The following NUP214 variants were observed in gnomAD, a reference collection of about 807,000 sequenced individuals.
The protein encoded by NUP214 is nucleoporin 214.
Under a neutral mutation model 196.2 loss-of-function variants are expected in NUP214, and 79 were observed. The ratio of observed to expected loss-of-function variants is 0.40; its 90% CI spans 0.34 to 0.49. The LOEUF is 0.49. Among genes scored for constraint, NUP214 ranks in the 20% least tolerant of loss-of-function variants. The pLI is 0.58. For missense variants in NUP214, 2,468 were observed against 2,539.0 expected (o/e 0.97, Z 0.60); for synonymous variants, 1,020 against 990.5 (o/e 1.03, Z -0.56).
Position 131,233,964 on chromosome 9 carries a change from C to G in NUP214, c.*477C>G. 1 of 307,366 alleles carries G rather than the reference C, an allele frequency of 3.3e-6. No individual in the cohort carries two copies. Among genetic ancestry groups the G allele is most frequent in the Non-Finnish European group, 6.2e-6 (1 of 161,542 alleles). The allele number at this position is 307,366 out of a possible 1,614,324, so 19.0% of individuals were successfully genotyped here. Reference sequence around the variant, plus strand: ...AACTTGGTTATCTCCTCTCCTTGTTCTTTTAGCCATTGTGTATCAGGACCA... The same window carrying G: ...AACTTGGTTATCTCCTCTCCTTGTTGTTTTAGCCATTGTGTATCAGGACCA... On this transcript the variant is annotated 3_prime_UTR_variant, in exon 36 of 36. Transcript: ENST00000359428.
Position 131,129,287 on chromosome 9 carries a change from G to A in NUP214, c.402G>A (p.Gln134=). 1.2e-6 allele frequency: 2 copies of A among 1,613,958 alleles called. No homozygotes were observed. The part of the protein sequence containing the change: ...DVRTFSNEAK[Q]QKRPFAYHKL... ...CATATTTGTTTTAAAAGGCTAAACA[G>A]CAAAAACGCCCATTTGCCTATCATA... is the stretch of plus-strand genomic sequence containing the variant. The change falls in exon 4 of 36, where the codon CAG becomes CAA. Residue 134 remains glutamine (Q), a synonymous_variant. Transcript: ENST00000359428.
At chr9:131,186,502 A>T (rs537515064) in intron 24 of NUP214, among the ~76,000 whole-genome samples, 2 of 152,312 alleles carry the variant, frequency 1.3e-5, no homozygotes, top group South Asian at 4.1e-4. Context: ...CTGAAAAATA[A>T]CCAGGTCCTA....
chr9:131,167,050 C>G (rs929754090), intron 21 of NUP214: 1 of 152,120 alleles, frequency 6.6e-6, no homozygotes, highest in Non-Finnish European at 1.5e-5. Flanking sequence ...ACAGTTGATA[C>G]TCAAATTTTG....
At chr9:131,229,937 A>T in intron 33 of NUP214, 1 of 359,828 alleles carries the variant, frequency 2.8e-6, no homozygotes, top group Non-Finnish European at 5.4e-6. Context: ...CGTTTCCCTC[A>T]CCTAGTCACC....
chr9:131,169,034 G>GTTTTTTTTTTTT (rs58054099), intron 21 of NUP214, among the ~76,000 whole-genome samples: 1 of 124,132 alleles, frequency 8.1e-6, no homozygotes, highest in Admixed American at 9.2e-5. Context: ...GTTTTTTTTT[G>GTTTTTTTTTTTT]TTTTTTTTTT....
intron 33 of NUP214, 168 bp from the exon 34 acceptor site, chr9:131,230,462 C>G (rs1834843218): frequency 2.8e-6 from 2 of 705,266 alleles, no homozygotes; most frequent in East Asian, 5.5e-5. Flanking sequence ...AAAAGTTGGC[C>G]CTGGGCGATA....
At position 131,198,101 on chromosome 9, in the gene NUP214, C is replaced by G. The variant is rs1833844028; in HGVS notation, c.4607C>G (p.Ser1536Cys). Residue 1536 changes from serine (S) to cysteine (C), a missense_variant, in exon 29 of 36, where the codon TCT becomes TGT. Around this residue, in one of 5 missense-constraint regions of NUP214, gnomAD observed 1,801 missense variants for 1,779.4 expected, o/e 1.01. Coordinates refer to ENST00000359428, the MANE Select transcript of NUP214 (RefSeq NM_005085.4). ...CAGGCTCCTCCGCAAACTTCTGACT[C>G]TGTTAAAAAAGAACCTGTTCTTGCC... is the stretch of plus-strand genomic sequence containing the variant. The part of the protein sequence containing the change: ...LPQAPPQTSD[S>C]VKKEPVLAQP... 6.2e-7 allele frequency: 1 copy of G among 1,614,088 alleles called. No homozygotes were observed. Among genetic ancestry groups the G allele is most frequent in the Non-Finnish European group, 8.5e-7 (1 of 1,180,050 alleles).
rs1358999727 is a variant in NUP214 at position 131,140,249 on chromosome 9, A to G, written c.1133-300A>G. Among the ~76,000 whole-genome samples, 3 of 152,178 alleles carry G rather than the reference A, an allele frequency of 2.0e-5. No individual in the cohort carries two copies. The East Asian group carries it at 5.8e-4, about 29-fold the overall frequency. ...GCCAAGCCTACCTCCACTGAGGTAC[A>G]CAAGCCACTGAGACACTCATAAAAA... On this transcript the variant is annotated intron_variant, in intron 10 of 35. Transcript: ENST00000359428.
intron 29 of NUP214, 135 bp from the exon 30 acceptor site, chr9:131,201,512 C>A (rs1184983525): frequency 1.3e-5 from 8 of 638,874 alleles, no homozygotes; most frequent in Non-Finnish European, 1.9e-5. Context: ...TTGCAGTGAG[C>A]CAAGATCCCA....
Position 131,222,807 on chromosome 9 carries a change from G to C in NUP214, c.5779G>C (p.Ala1927Pro), listed in dbSNP as rs779037174. The C allele has an allele frequency of 1.2e-6, 2 of 1,614,010 alleles. No homozygotes were observed. Among genetic ancestry groups the C allele is most frequent in the African/African-American group, 2.7e-5 (2 of 74,912 alleles). ...CTCTAACCTATTTGGAAACAGTGGGGCCAAGACATTTGGTGGATTTGCCAG... is the reference window on the plus strand; with the variant it reads ...CTCTAACCTATTTGGAAACAGTGGGCCCAAGACATTTGGTGGATTTGCCAG... ...NTSNLFGNSG[A>P]KTFGGFASSS... Residue 1927 changes from alanine (A) to proline (P), a missense_variant, in exon 32 of 36, where the codon GCC becomes CCC. Ala to Pro is a conservative substitution (Grantham distance 27). Around this residue, in one of 5 missense-constraint regions of NUP214, gnomAD observed 262 missense variants for 296.5 expected, o/e 0.88. Transcript: ENST00000359428.
chr9:131,158,405 A>C (rs996412871), intron 17 of NUP214, among the ~76,000 whole-genome samples: 1 of 152,206 alleles, frequency 6.6e-6, no homozygotes, highest in Non-Finnish European at 1.5e-5. Flanking sequence ...ATTTTTGAGA[A>C]TCAAGTTGCA....
rs1178896896 is a variant in NUP214 at position 131,234,586 on chromosome 9, G to T, written c.*1099G>T. On this transcript the variant is annotated 3_prime_UTR_variant, in exon 36 of 36. Coordinates refer to ENST00000359428, the MANE Select transcript of NUP214 (RefSeq NM_005085.4). ...CATGAGCAGCGGGGAGTTGGGAAGA[G>T]ATTTTTTTTTTTAGAGTTTTACATA... is the stretch of plus-strand genomic sequence containing the variant. The T allele has an allele frequency of 4.4e-6, 1 of 229,028 alleles. No homozygotes were observed. The highest frequency in any genetic ancestry group is 2.3e-5 in the African/African-American group (1 of 44,254). The allele number at this position is 229,028 out of a possible 1,614,324, so 14.2% of individuals were successfully genotyped here.
intron 31 of NUP214, among the ~76,000 whole-genome samples, chr9:131,218,039 A>G (rs890426061): frequency 6.6e-6 from 1 of 152,174 alleles, no homozygotes; most frequent in Non-Finnish European, 1.5e-5. Flanking sequence ...TGATTCTTCT[A>G]ATTCTGGTTT....
chr9:131,204,283 A>G (rs147834241), intron 30 of NUP214, among the ~76,000 whole-genome samples: 1 of 152,348 alleles, frequency 6.6e-6, no homozygotes, highest in East Asian at 1.9e-4. Context: ...AAGAAGTGTC[A>G]TAGCAAATTT....
intron 31 of NUP214, among the ~76,000 whole-genome samples, chr9:131,220,299 A>G (rs1410104325): frequency 6.6e-6 from 1 of 152,244 alleles, no homozygotes; most frequent in Non-Finnish European, 1.5e-5. Context: ...AGACTATGTT[A>G]TTTTGGAACC....
chr9:131,170,012 T>TGGG (rs1316062153), intron 21 of NUP214, among the ~76,000 whole-genome samples: 1 of 151,510 alleles, frequency 6.6e-6, no homozygotes, highest in African/African-American at 2.4e-5. Flanking sequence ...GGAGGGAAAA[T>TGGG]GGGGAGTTAG....
Position 131,164,294 on chromosome 9 carries a change from A to G in NUP214, c.2893+150A>G, listed in dbSNP as rs1282862096. Reference sequence around the variant, plus strand: ...TGTGTGTTGGTTCTTAATAGGGGATAGAGAAAATGTCTCCAGAATCTGTTG... The same window carrying G: ...TGTGTGTTGGTTCTTAATAGGGGATGGAGAAAATGTCTCCAGAATCTGTTG... On this transcript the variant is annotated intron_variant, in intron 21 of 35. Transcript: ENST00000359428. 6 of 645,062 alleles carry G rather than the reference A, an allele frequency of 9.3e-6. No individual in the cohort carries two copies. The East Asian group carries it at 1.6e-4, about 18-fold the overall frequency. 40.0% of individuals were successfully genotyped at this position (645,062 alleles called of 1,614,324 possible). A position where few individuals can be genotyped will look rare whatever the true frequency, so the allele number is the denominator to read the frequency against.
At chr9:131,160,255 G>A (rs1367769473) in intron 18 of NUP214, among the ~76,000 whole-genome samples, 2 of 152,080 alleles carry the variant, frequency 1.3e-5, no homozygotes, top group Non-Finnish European at 2.9e-5. Flanking sequence ...TGGCTAATAA[G>A]AATGTGGAGG....
chr9:131,228,370 C>A (rs1350207554), intron 33 of NUP214, 39 bp downstream of exon 33: 3 of 1,547,968 alleles, frequency 1.9e-6, no homozygotes, highest in Non-Finnish European at 2.6e-6. Flanking sequence ...ACCCACACGC[C>A]AGCCAAAAAG....
Sources: gnomAD v4.1 joint callset for allele counts (sites outside exome capture counted in the v4.1 genomes callset) on GRCh38, gnomAD v4.1.1 for gene constraint, gnomAD v4.1.1 regional missense constraint, MANE v1.5 for transcripts, NCBI Gene and HGNC (gene_info 2026-07-23, HGNC 2026-07-21) for gene names.